DLC1: variants seen among roughly 807,000 people sequenced by gnomAD.
DLC1 encodes DLC1 Rho GTPase activating protein.
DLC1 carries 54 observed loss-of-function variants against 140.3 expected under a neutral mutation model. The ratio of observed to expected loss-of-function variants is 0.38; its 90% confidence interval spans 0.31 to 0.48. DLC1 has a LOEUF of 0.48. Ranked by LOEUF, DLC1 falls within the 20% of genes least tolerant of loss-of-function variation. The probability of loss-of-function intolerance (pLI) is 0.96; values close to 1 mark genes in which losing one functional copy is unlikely to be tolerated. For synonymous variants in DLC1, 986 were observed against 728.1 expected (o/e 1.35, Z -5.70); for missense variants, 2,536 against 1,907.0 (o/e 1.33, Z -6.14).
At chr8:13,137,675 C>A (rs974777267) in intron 5 of DLC1, among the ~76,000 whole-genome samples, 1 of 150,230 alleles carries the variant, frequency 6.7e-6, no homozygotes, top group Non-Finnish European at 1.5e-5. Context: ...GTTCTCAGCT[C>A]CCTACAACCT....
chr8:13,266,171 A>T (rs976607602), intron 5 of DLC1, among the ~76,000 whole-genome samples: 4 of 152,362 alleles, frequency 2.6e-5, no homozygotes, highest in Admixed American at 1.3e-4. Context: ...CATAAATTGG[A>T]ATTAATTGCT....
intron 4 of DLC1, among the ~76,000 whole-genome samples, chr8:13,320,925 A>G (rs569835883): frequency 3.3e-4 from 51 of 152,276 alleles, no homozygotes; most frequent in Non-Finnish European, 6.5e-4. Context: ...CTCTCAAGCC[A>G]TGTGATTGCT....
rs374419027 is a variant in DLC1 at position 13,115,577 on chromosome 8, C to T, written c.1420+9G>A. 9 of 1,610,324 alleles carry T rather than the reference C, an allele frequency of 5.6e-6. No individual in the cohort carries two copies. The highest frequency in any genetic ancestry group is 1.7e-5 in the Admixed American group (1 of 59,404). ...TGCCAACTTTTAAAAAGTGGCATTC[C>T]CAGCTTACCTTCATAAAGCTGTGCA... On this transcript the variant is annotated intron_variant, in intron 6 of 17. Coordinates refer to ENST00000276297, the MANE Select transcript of DLC1 (RefSeq NM_182643.3).
intron 5 of DLC1, among the ~76,000 whole-genome samples, chr8:13,132,735 C>G (rs1822217588): frequency 6.6e-6 from 1 of 152,222 alleles, no homozygotes; most frequent in South Asian, 2.1e-4. Flanking sequence ...TCAAGAGTCA[C>G]TCCTCCAAAA....
chr8:13,467,403 G>T (rs1024686112), intron 2 of DLC1, among the ~76,000 whole-genome samples: 1 of 149,524 alleles, frequency 6.7e-6, no homozygotes, highest in Admixed American at 6.7e-5. Context: ...TCCTTTTTCT[G>T]TAGCTATCAA....
intron 2 of DLC1, among the ~76,000 whole-genome samples, chr8:13,490,723 A>G (rs1422200603): frequency 2.0e-5 from 3 of 152,170 alleles, no homozygotes; most frequent in Non-Finnish European, 4.4e-5. Flanking sequence ...CCAATGCACA[A>G]TTGGCTCTGA....
At chr8:13,092,859 G>A (rs780209840) in intron 12 of DLC1, 34 bp from the exon 13 acceptor site, 16 of 1,595,268 alleles carry the variant, frequency 1.0e-5, no homozygotes, top group Non-Finnish European at 1.4e-5. Context: ...CATCAGCTTG[G>A]TGAATTTGCA....
intron 4 of DLC1, among the ~76,000 whole-genome samples, chr8:13,318,357 C>T (rs1049624353): frequency 6.6e-6 from 1 of 152,160 alleles, no homozygotes; most frequent in Non-Finnish European, 1.5e-5. Context: ...TTAATAACTA[C>T]CAAAGGGATA....
upstream of DLC1, among the ~76,000 whole-genome samples, chr8:13,516,848 G>C (rs1353432517): frequency 6.6e-6 from 1 of 152,018 alleles, no homozygotes; most frequent in East Asian, 1.9e-4. Context: ...ATAAAGTATT[G>C]AGAAGCAATT....
intron 4 of DLC1, among the ~76,000 whole-genome samples, chr8:13,357,345 G>A (rs902825704): frequency 2.0e-5 from 3 of 152,182 alleles, no homozygotes; most frequent in African/African-American, 7.2e-5. Flanking sequence ...TGTTTCAGAT[G>A]CACCATGTCA....
At chr8:13,473,707 G>T (rs541703001) in intron 2 of DLC1, among the ~76,000 whole-genome samples, 22 of 152,130 alleles carry the variant, frequency 1.4e-4, no homozygotes, top group Non-Finnish European at 2.5e-4. Flanking sequence ...TGAGGAACTT[G>T]TTGGGAACTG....
chr8:13,280,427 C>G (rs1037896298), intron 5 of DLC1, among the ~76,000 whole-genome samples: 2 of 151,872 alleles, frequency 1.3e-5, no homozygotes, highest in African/African-American at 4.8e-5. Flanking sequence ...GCTGTGTAAA[C>G]TCTTCCAGAT....
At chr8:13,254,986 A>T (rs77409255) in intron 5 of DLC1, among the ~76,000 whole-genome samples, 13,653 of 148,606 alleles carry the variant, frequency 0.092, 695 homozygotes, top group South Asian at 0.17. Context: ...CTTTTTTCTT[A>T]TTTTTTTTGA....
At chr8:13,393,824 C>T (rs1836885887) in intron 3 of DLC1, 131 bp from the exon 4 acceptor site, 3 of 1,052,428 alleles carry the variant, frequency 2.9e-6, no homozygotes, top group South Asian at 3.2e-5. Flanking sequence ...TTGCTGACAA[C>T]TGACAGTGAC....
At chr8:13,319,474 C>T in intron 4 of DLC1, among the ~76,000 whole-genome samples, 1 of 57,594 alleles carries the variant, frequency 1.7e-5, no homozygotes, top group Non-Finnish European at 3.4e-5. Flanking sequence ...GCTGGCGGGG[C>T]GGGGGGGGGG....
At chr8:13,352,504 C>G (rs576036018) in intron 4 of DLC1, among the ~76,000 whole-genome samples, 2 of 152,014 alleles carry the variant, frequency 1.3e-5, no homozygotes, top group African/African-American at 4.8e-5. Context: ...ACCTCGGCCT[C>G]GCAAGTAGCT....
intron 5 of DLC1, among the ~76,000 whole-genome samples, chr8:13,287,637 A>G (rs945643720): frequency 2.0e-5 from 3 of 152,320 alleles, no homozygotes; most frequent in Middle Eastern, 3.4e-3. Context: ...CATCGTTAAC[A>G]TTTCAATTGG....
chr8:13,348,870 TGAG>T (rs977014246), intron 4 of DLC1, among the ~76,000 whole-genome samples: 2 of 152,254 alleles, frequency 1.3e-5, no homozygotes, highest in Non-Finnish European at 2.9e-5. Context: ...TCAACCTTCT[TGAG>T]GAGGGCAGTG....
At chr8:13,558,214 C>A (rs531552707) in intron 1 of DLC1, 1 of 152,188 alleles carries the variant, frequency 6.6e-6, no homozygotes, top group Non-Finnish European at 1.5e-5. Flanking sequence ...CCTGGTTCTT[C>A]TATTCTGTTT....
Sources: gnomAD v4.1 joint callset for allele counts (sites outside exome capture counted in the v4.1 genomes callset) on GRCh38, gnomAD v4.1.1 for gene constraint, MANE v1.5 for transcripts, NCBI Gene and HGNC (gene_info 2026-07-23, HGNC 2026-07-21) for gene names.